PCNX1: variants seen among roughly 807,000 people sequenced by gnomAD.
PCNX1 encodes the protein pecanex-like protein 1.
PCNX1 carries 78 observed loss-of-function variants against 242.2 expected under a neutral mutation model. The ratio of observed to expected loss-of-function variants is 0.32; its 90% CI spans 0.27 to 0.39. The LOEUF (loss-of-function observed/expected upper bound fraction) is 0.39. Among genes scored for constraint, PCNX1 ranks in the 10% least tolerant of loss-of-function variants. The pLI, the probability that PCNX1 is intolerant of heterozygous loss-of-function variation, is 1.00. For missense variants in PCNX1, 2,581 were observed against 2,856.5 expected (o/e 0.90, Z 2.20); for synonymous variants, 1,024 against 1,032.9 (o/e 0.99, Z 0.17).
At chr14:70,974,183 C>T (rs775511073) in intron 5 of PCNX1, among the ~76,000 whole-genome samples, 6 of 149,830 alleles carry the variant, frequency 4.0e-5, no homozygotes, top group East Asian at 2.0e-4. Flanking sequence ...TAAAAATATA[C>T]GCCCATATAC....
chr14:70,998,717 C>CT (rs1329606918), intron 8 of PCNX1, among the ~76,000 whole-genome samples: 1 of 139,666 alleles, frequency 7.2e-6, no homozygotes, highest in Non-Finnish European at 1.5e-5. Context: ...CGCCGCTGTA[C>CT]TCCAGCCTGG....
In PCNX1 at chr14:71,105,221, G is replaced by T; in HGVS notation, c.6096-14G>T. 2 of 1,599,922 alleles carry T rather than the reference G, an allele frequency of 1.3e-6. No homozygotes were observed. Among genetic ancestry groups the T allele is most frequent in the Non-Finnish European group, 1.7e-6 (2 of 1,167,288 alleles). On this transcript the variant is annotated splice_polypyrimidine_tract_variant and intron_variant, in intron 32 of 35. Transcript: ENST00000304743. ...TCTTGGAATAATGCTTCCTACTCTG[G>T]TATTTGTTCCTAGGCTTAGGAAAGG... is the stretch of plus-strand genomic sequence containing the variant.
chr14:71,046,814 T>C (rs867436897), intron 20 of PCNX1, 150 bp from the exon 21 acceptor site: 2 of 524,130 alleles, frequency 3.8e-6, no homozygotes, highest in African/African-American at 1.9e-5. Flanking sequence ...TCAGAGCTCA[T>C]AGAAGTTGAC....
intron 19 of PCNX1, among the ~76,000 whole-genome samples, chr14:71,036,670 TAA>T (rs2060544295): frequency 6.6e-6 from 1 of 152,214 alleles, no homozygotes; most frequent in Admixed American, 6.5e-5. Context: ...TGACATTGCC[TAA>T]ACACACATTT....
rs1595447494 is a variant in PCNX1, at chr14:71,076,172, TG to T, written c.5107-16del. The T allele has an allele frequency of 5.0e-6, 7 of 1,409,010 alleles. No homozygotes were observed. In the Admixed American group the frequency reaches 5.4e-5, roughly 11 times the overall value. 87.3% of individuals were successfully genotyped at this position (1,409,010 alleles called of 1,614,324 possible). A position where few individuals can be genotyped will look rare whatever the true frequency, so the allele number is the denominator to read the frequency against. On this transcript the variant is annotated splice_polypyrimidine_tract_variant and intron_variant, in intron 27 of 35. Coordinates refer to ENST00000304743, the MANE Select transcript of PCNX1 (RefSeq NM_014982.3). Reference sequence around the variant, plus strand: ...AATTTAATCTGAATTCTTTTTTTTTTGTCTTGTTCATGTTAGGGTATCATTT... The same window carrying T: ...AATTTAATCTGAATTCTTTTTTTTTTTCTTGTTCATGTTAGGGTATCATTT...
chr14:70,980,456 G>A (rs2058806201), intron 6 of PCNX1, among the ~76,000 whole-genome samples: 1 of 151,890 alleles, frequency 6.6e-6, no homozygotes. Flanking sequence ...AATAGTCTGT[G>A]GGCTGTTTAA....
intron 27 of PCNX1, among the ~76,000 whole-genome samples, chr14:71,074,808 G>A (rs530012274): frequency 3.7e-4 from 57 of 152,026 alleles, no homozygotes; most frequent in Non-Finnish European, 6.6e-4. Context: ...CAAACCCCTC[G>A]TTGGGCAAGG....
chr14:71,074,057 G>A (rs1045996429), intron 27 of PCNX1, among the ~76,000 whole-genome samples: 3 of 152,096 alleles, frequency 2.0e-5, no homozygotes, highest in African/African-American at 2.4e-5. Flanking sequence ...TTTAGCTTGT[G>A]CTAAGGAATA....
intron 16 of PCNX1, among the ~76,000 whole-genome samples, chr14:71,029,135 A>G (rs1025835692): frequency 3.3e-5 from 5 of 152,126 alleles, no homozygotes; most frequent in African/African-American, 9.7e-5. Context: ...TACTTTTCCT[A>G]TTAGTTTTTT....
chr14:71,028,902 T>TAAAC, intron 16 of PCNX1, 111 bp downstream of exon 16: 1 of 581,548 alleles, frequency 1.7e-6, no homozygotes, highest in African/African-American at 1.9e-5. Context: ...TAGCATTAAT[T>TAAAC]TTCATGGTCT....
intron 1 of PCNX1, among the ~76,000 whole-genome samples, chr14:70,930,280 G>A (rs1317984670): frequency 1.3e-5 from 2 of 152,074 alleles, no homozygotes; most frequent in African/African-American, 4.8e-5. Context: ...CAAAGAGCTG[G>A]GGCTACAGGC....
chr14:71,105,504 T>C, intron 33 of PCNX1, 64 bp downstream of exon 33: 2 of 1,293,684 alleles, frequency 1.5e-6, no homozygotes, highest in Non-Finnish European at 2.2e-6. Context: ...GGTTAGTATA[T>C]GTGTATAAAG....
intron 1 of PCNX1, among the ~76,000 whole-genome samples, chr14:70,911,305 G>A (rs1311345904): frequency 6.6e-6 from 1 of 150,658 alleles, no homozygotes; most frequent in Non-Finnish European, 1.5e-5. Context: ...GCCTAAATCT[G>A]TGGAGAGATC....
chr14:70,921,316 T>G (rs1329843460), intron 1 of PCNX1, among the ~76,000 whole-genome samples: 1 of 152,098 alleles, frequency 6.6e-6, no homozygotes, highest in East Asian at 1.9e-4. Context: ...AAGAGGAATT[T>G]TGGGTTGTTT....
intron 5 of PCNX1, 69 bp from the exon 6 acceptor site, chr14:70,976,873 C>G (rs2058705723): frequency 2.6e-5 from 35 of 1,326,612 alleles, no homozygotes; most frequent in Non-Finnish European, 3.4e-5. Flanking sequence ...TGAATTCTTT[C>G]CATTGTTAAA....
intron 1 of PCNX1, among the ~76,000 whole-genome samples, chr14:70,938,255 A>T (rs762822311): frequency 2.6e-5 from 4 of 152,018 alleles, no homozygotes; most frequent in South Asian, 2.1e-4. Flanking sequence ...CAGTATGATT[A>T]TTGGCTGTGG....
intron 1 of PCNX1, among the ~76,000 whole-genome samples, chr14:70,910,689 T>C (rs536110548): frequency 1.2e-4 from 19 of 152,272 alleles, no homozygotes; most frequent in African/African-American, 3.4e-4. Flanking sequence ...CTAACTGATA[T>C]CTATTTATTT....
intron 30 of PCNX1, among the ~76,000 whole-genome samples, chr14:71,098,553 T>TGTGTGTGTGAGAGAGAGAGAGA (rs60367565): frequency 2.4e-5 from 3 of 125,666 alleles, no homozygotes; most frequent in African/African-American, 9.5e-5. Flanking sequence ...TGTGTGTGTG[T>TGTGTGTGTGAGAGAGAGAGAGA]GAGAGAGAGA....
intron 18 of PCNX1, 150 bp from the exon 19 acceptor site, chr14:71,035,915 A>G (rs1484512457): frequency 1.8e-6 from 1 of 567,512 alleles, no homozygotes; most frequent in Non-Finnish European, 3.1e-6. Flanking sequence ...GTGTTAAAGT[A>G]TCAATGAAAA....
Sources: gnomAD v4.1 joint callset for allele counts (sites outside exome capture counted in the v4.1 genomes callset) on GRCh38, gnomAD v4.1.1 for gene constraint, MANE v1.5 for transcripts, NCBI Gene and HGNC (gene_info 2026-07-23, HGNC 2026-07-21) for gene names.